The following ANKRD33B variants were observed in gnomAD, a reference collection of about 807,000 sequenced individuals.
The protein encoded by ANKRD33B is ankyrin repeat domain 33B.
In ANKRD33B, 6 loss-of-function variants were observed where a neutral mutation model predicts 21.5. The ratio of observed to expected loss-of-function variants is 0.28; its 90% CI spans 0.15 to 0.55. The LOEUF (loss-of-function observed/expected upper bound fraction) is 0.55. Ranked by LOEUF, ANKRD33B falls within the 20% of genes least tolerant of loss-of-function variation. The probability of loss-of-function intolerance (pLI) is 0.94; values close to 1 mark genes in which losing one functional copy is unlikely to be tolerated. For synonymous variants in ANKRD33B, 347 were observed against 342.4 expected (o/e 1.01, Z -0.15); for missense variants, 698 against 747.2 (o/e 0.93, Z 0.77).
intron 1 of ANKRD33B, among the ~76,000 whole-genome samples, chr5:10,599,708 A>G (rs1158445579): frequency 6.6e-6 from 1 of 152,216 alleles, no homozygotes; most frequent in Non-Finnish European, 1.5e-5. Flanking sequence ...ATATGTATAT[A>G]CCACATTTTG....
intron 3 of ANKRD33B, among the ~76,000 whole-genome samples, chr5:10,648,841 G>C (rs1332251351): frequency 6.7e-6 from 1 of 149,664 alleles, no homozygotes; most frequent in Non-Finnish European, 1.5e-5. Context: ...CACTTAAAAG[G>C]CAGGTTGGGC....
At chr5:10,624,318 C>T (rs1366096754) in intron 2 of ANKRD33B, among the ~76,000 whole-genome samples, 3 of 151,970 alleles carry the variant, frequency 2.0e-5, no homozygotes, top group Non-Finnish European at 4.4e-5. Context: ...TCAGCAGAGG[C>T]GGGGTTTCAC....
chr5:10,630,063 C>T (rs936723170), intron 2 of ANKRD33B, among the ~76,000 whole-genome samples: 1 of 152,110 alleles, frequency 6.6e-6, no homozygotes, highest in African/African-American at 2.4e-5. Context: ...TGAAGACGGC[C>T]CACAGGGGTT....
chr5:10,624,045 A>C (rs1345376031), intron 2 of ANKRD33B, among the ~76,000 whole-genome samples: 1 of 150,092 alleles, frequency 6.7e-6, no homozygotes, highest in Non-Finnish European at 1.5e-5. Flanking sequence ...AGATGGGTTT[A>C]CTCTGCCTTT....
intron 1 of ANKRD33B, among the ~76,000 whole-genome samples, chr5:10,571,613 G>T (rs543181619): frequency 6.6e-6 from 1 of 152,204 alleles, no homozygotes; most frequent in East Asian, 1.9e-4. Flanking sequence ...TTTTTAGATT[G>T]AGGAAATATC....
chr5:10,620,696 G>A (rs1033107827), intron 2 of ANKRD33B, among the ~76,000 whole-genome samples: 1 of 152,144 alleles, frequency 6.6e-6, no homozygotes, highest in Non-Finnish European at 1.5e-5. Flanking sequence ...GGAGCACATC[G>A]TATATTTTTG....
rs145533937 is a variant in ANKRD33B at position 10,624,373 on chromosome 5, G to T, written c.496+5911G>T. Among the ~76,000 whole-genome samples, 96 of 152,070 alleles carry T rather than the reference G, an allele frequency of 6.3e-4. No individual in the cohort carries two copies. The East Asian group carries it at 0.017, about 27-fold the overall frequency. ...TTGAACTCCTGACCTCAAGTGATCCGCCCACCTTGGCCTCCCAAAGTGCTG... is the reference window on the plus strand; with the variant it reads ...TTGAACTCCTGACCTCAAGTGATCCTCCCACCTTGGCCTCCCAAAGTGCTG... On this transcript the variant is annotated intron_variant, in intron 2 of 3. Transcript: ENST00000296657.
intron 1 of ANKRD33B, among the ~76,000 whole-genome samples, chr5:10,582,960 C>G (rs1735475297): frequency 6.7e-6 from 1 of 149,180 alleles, no homozygotes; most frequent in South Asian, 2.1e-4. Context: ...GGCAGTTTGT[C>G]GCACATGGTT....
At chr5:10,647,535 T>A (rs1036491529) in intron 3 of ANKRD33B, among the ~76,000 whole-genome samples, 15 of 152,236 alleles carry the variant, frequency 9.9e-5, no homozygotes, top group Admixed American at 3.3e-4. Flanking sequence ...AGTTGAAGTT[T>A]AACTTTGCAA....
At position 10,576,317 on chromosome 5, in the gene ANKRD33B, CTTCACTGTGG is replaced by C. The variant is rs1735319829; in HGVS notation, c.366+11489_366+11498del. Among the ~76,000 whole-genome samples the C allele has an allele frequency of 6.6e-6, 1 of 152,144 alleles. No individual in the cohort carries two copies. Among genetic ancestry groups the C allele is most frequent in the Non-Finnish European group, 1.5e-5 (1 of 68,038 alleles). Reference sequence around the variant, plus strand: ...ATATTGGGCAACAGAACCTGGCTGCCTTCACTGTGGTTCATGGGCCAGCAGCGTTGGCATC... The same window carrying C: ...ATATTGGGCAACAGAACCTGGCTGCCTTCATGGGCCAGCAGCGTTGGCATC... On this transcript the variant is annotated intron_variant, in intron 1 of 3. Coordinates refer to ENST00000296657, the MANE Select transcript of ANKRD33B (RefSeq NM_001164440.2). The surrounding 1 kb of genome is among the most constrained non-coding windows in gnomAD (Gnocchi z 4.1).
In ANKRD33B at chr5:10,650,251, C is replaced by G. The variant is rs1349264301; in HGVS notation, c.*138C>G. The G allele has an allele frequency of 1.0e-6, 1 of 996,184 alleles. No homozygotes were observed. The highest frequency in any genetic ancestry group is 1.7e-5 in the African/African-American group (1 of 57,668). 61.7% of individuals were successfully genotyped at this position (996,184 alleles called of 1,614,324 possible). On this transcript the variant is annotated 3_prime_UTR_variant, in exon 4 of 4. Transcript: ENST00000296657. ...CCACGGGGCTGCGCGCATTTCCAGG[C>G]TGTTTGTCCAGGCTGCTTCCAAGAG...
At chr5:10,590,388 T>C (rs1048553173) in intron 1 of ANKRD33B, among the ~76,000 whole-genome samples, 1 of 152,202 alleles carries the variant, frequency 6.6e-6, no homozygotes, top group African/African-American at 2.4e-5. Context: ...TTTTATAAGA[T>C]CTGGCCTCTT....
intron 1 of ANKRD33B, among the ~76,000 whole-genome samples, chr5:10,615,451 AG>A (rs1736263987): frequency 6.6e-6 from 1 of 152,232 alleles, no homozygotes; most frequent in Non-Finnish European, 1.5e-5. Flanking sequence ...ATCCAAGAAT[AG>A]GGATTTGTTA....
rs938092145 is a variant in ANKRD33B, at chr5:10,576,059, G to A, written c.366+11226G>A. Among the ~76,000 whole-genome samples the A allele has an allele frequency of 8.5e-5, 13 of 152,154 alleles. No individual in the cohort carries two copies. The highest frequency in any genetic ancestry group is 2.7e-4 in the African/African-American group (11 of 41,440). ...CATGGATTCCAGCAATGTCAAGTTC[G>A]TGGCATTGTTATTGTACAGTAATTG... On this transcript the variant is annotated intron_variant, in intron 1 of 3. Transcript: ENST00000296657. The surrounding 1 kb of genome is among the most constrained non-coding windows in gnomAD (Gnocchi z 4.1).
At chr5:10,565,922 C>T (rs567499089) in intron 1 of ANKRD33B, among the ~76,000 whole-genome samples, 2 of 152,286 alleles carry the variant, frequency 1.3e-5, no homozygotes, top group Non-Finnish European at 2.9e-5. Context: ...CTTGGGGACC[C>T]GGGTGACCTT....
In ANKRD33B at chr5:10,650,119, C is replaced by T. The variant is rs1290727517; in HGVS notation, c.*6C>T. On this transcript the variant is annotated 3_prime_UTR_variant, in exon 4 of 4. Transcript: ENST00000296657. ...CCTGGAAGAAGAGGACGTGAGGGCC[C>T]GTGTGCCTGGCGCTGGGGCCGGGGC... is the stretch of plus-strand genomic sequence containing the variant. The T allele has an allele frequency of 2.7e-6, 4 of 1,476,750 alleles. No individual in the cohort carries two copies. In the African/African-American group the frequency reaches 4.4e-5, roughly 16 times the overall value. 91.5% of individuals were successfully genotyped at this position (1,476,750 alleles called of 1,614,324 possible). A position where few individuals can be genotyped will look rare whatever the true frequency, so the allele number is the denominator to read the frequency against.
At chr5:10,572,178 C>T (rs981744425) in intron 1 of ANKRD33B, among the ~76,000 whole-genome samples, 7 of 152,232 alleles carry the variant, frequency 4.6e-5, no homozygotes, top group Admixed American at 2.0e-4. Context: ...CGTGAGCCAC[C>T]ACACCCGGCC....
chr5:10,611,549 G>A (rs952028916), intron 1 of ANKRD33B, among the ~76,000 whole-genome samples: 18 of 152,126 alleles, frequency 1.2e-4, no homozygotes, highest in African/African-American at 4.1e-4. Context: ...GGCTGAAATG[G>A]TGGTGTCTGA....
intron 1 of ANKRD33B, among the ~76,000 whole-genome samples, chr5:10,607,406 C>T (rs1162478325): frequency 2.0e-5 from 3 of 152,290 alleles, no homozygotes; most frequent in East Asian, 3.9e-4. Flanking sequence ...CACCGTCTCT[C>T]GAAACTTCCT....
Sources: allele counts gnomAD v4.1 joint callset (sites outside exome capture counted in the v4.1 genomes callset), GRCh38; gene constraint gnomAD v4.1.1; non-coding constraint Gnocchi (gnomAD v3.1); transcripts MANE v1.5; gene names NCBI Gene and HGNC (gene_info 2026-07-23, HGNC 2026-07-21).